RBL2: variants seen among roughly 807,000 people sequenced by gnomAD.
The protein encoded by RBL2 is retinoblastoma-like protein 2.
A neutral mutation model predicts 126.0 loss-of-function variants in RBL2; 56 were observed. That is an observed-to-expected ratio of 0.44 (90% CI 0.36 to 0.56). The LOEUF (loss-of-function observed/expected upper bound fraction) is 0.56. Ranked by LOEUF, RBL2 falls within the 20% of genes least tolerant of loss-of-function variation. RBL2 has a pLI of 0.00. For missense variants in RBL2, 1,229 were observed against 1,398.2 expected (o/e 0.88, Z 1.93); for synonymous variants, 454 against 478.5 (o/e 0.95, Z 0.67).
rs2058279236 is a variant in RBL2 at position 53,467,061 on chromosome 16, A to T, written c.1867A>T (p.Met623Leu). 6.2e-7 allele frequency: 1 copy of T among 1,613,212 alleles called. No homozygotes were observed. Among genetic ancestry groups the T allele is most frequent in the African/African-American group, 1.3e-5 (1 of 74,998 alleles). Residue 623 changes from methionine (M) to leucine (L), a missense_variant, in exon 14 of 22, where the codon ATG (methionine) becomes TTG (leucine). Met to Leu is a conservative substitution (Grantham distance 15). This residue lies in a region of RBL2 where 1,070 missense variants were observed against 1,274.3 expected (regional missense o/e 0.84). Coordinates refer to ENST00000262133, the MANE Select transcript of RBL2 (RefSeq NM_005611.4). ...ENRVPTCEEVMPPQNLERADE... is the reference protein window; with the variant it reads ...ENRVPTCEEVLPPQNLERADE... ...CTGTGTAACCAATTCTTCATAGGTC[A>T]TGCCACCTCAGAACCTGGAAAGGGC...
chr16:53,462,764 A>G, intron 11 of RBL2, 109 bp downstream of exon 11: 4 of 662,370 alleles, frequency 6.0e-6, no homozygotes, highest in Non-Finnish European at 1.0e-5. Context: ...TTTCATACAC[A>G]AAAGTTTTTA....
At chr16:53,482,568 G>C (rs1022716550) in intron 21 of RBL2, among the ~76,000 whole-genome samples, 1 of 152,160 alleles carries the variant, frequency 6.6e-6, no homozygotes, top group African/African-American at 2.4e-5. Context: ...CCAACACTTT[G>C]GGAGGCCACA....
At chr16:53,467,002 T>C (rs1394409477) in intron 13 of RBL2, 56 bp from the exon 14 acceptor site, 2 of 1,237,996 alleles carry the variant, frequency 1.6e-6, no homozygotes, top group Non-Finnish European at 2.3e-6. Context: ...ACTATTGTAT[T>C]TGTAATTAAA....
chr16:53,437,901 C>T (rs1393785345), intron 1 of RBL2, among the ~76,000 whole-genome samples: 1 of 151,674 alleles, frequency 6.6e-6, no homozygotes, highest in Admixed American at 6.6e-5. Context: ...GTGGTGGGCA[C>T]CTGTAGTCCC....
intron 14 of RBL2, among the ~76,000 whole-genome samples, chr16:53,469,159 G>A (rs972042375): frequency 5.9e-5 from 9 of 152,152 alleles, no homozygotes; most frequent in African/African-American, 2.2e-4. Context: ...AAACCCAGGA[G>A]GCAGAGGTTG....
At chr16:53,451,881 G>A (rs1567730838) in intron 5 of RBL2, 50 bp downstream of exon 5, 1 of 1,595,320 alleles carries the variant, frequency 6.3e-7, no homozygotes, top group South Asian at 1.1e-5. Context: ...TCTGTGTTAT[G>A]TTTACCCTTG....
At chr16:53,436,530 G>A (rs1471812933) in intron 1 of RBL2, among the ~76,000 whole-genome samples, 1 of 152,204 alleles carries the variant, frequency 6.6e-6, no homozygotes, top group Admixed American at 6.5e-5. Flanking sequence ...GCTGGATATA[G>A]AGCAGCAAAC....
intron 21 of RBL2, among the ~76,000 whole-genome samples, chr16:53,484,033 A>C (rs1296589973): frequency 2.6e-5 from 4 of 152,194 alleles, no homozygotes; most frequent in South Asian, 2.1e-4. Flanking sequence ...CTGAATAAGA[A>C]GACCAAATAT....
At chr16:53,479,711 C>T (rs746117794) in intron 18 of RBL2, 175 bp from the exon 19 acceptor site, 1 of 550,606 alleles carries the variant, frequency 1.8e-6, no homozygotes, top group Non-Finnish European at 3.2e-6. Context: ...GCTAGATGGG[C>T]TCTGATTGAA....
intron 8 of RBL2, among the ~76,000 whole-genome samples, chr16:53,458,524 C>G (rs573171994): frequency 2.6e-5 from 4 of 152,186 alleles, no homozygotes; most frequent in Non-Finnish European, 5.9e-5. Context: ...GAAGGCTGTT[C>G]TGCATCAAGT....
intron 21 of RBL2, chr16:53,488,001 A>T (rs752358019): frequency 6.6e-6 from 1 of 152,244 alleles, no homozygotes; most frequent in Non-Finnish European, 1.5e-5. Flanking sequence ...GCCACTGTGG[A>T]AAGTTGTTTC....
rs1960907737 is a variant in RBL2 at position 53,480,672 on chromosome 16, A to G, written c.2987A>G (p.Asp996Gly). Residue 996 changes from aspartate to glycine, a missense_variant, in exon 20 of 22, where the codon GAC becomes GGC. Asp to Gly is a moderately conservative substitution (Grantham distance 94, BLOSUM62 -1). Around this residue, in one of 2 missense-constraint regions of RBL2, gnomAD observed 1,070 missense variants for 1,274.3 expected, o/e 0.84. Coordinates refer to ENST00000262133, the MANE Select transcript of RBL2 (RefSeq NM_005611.4). ...TPTRLTGANS[D>G]MEEEERGDLI... ...ACTCGCCTCACAGGTGCCAACAGTG[A>G]CATGGAAGAAGAGGAGAGGGGAGAC... 6.2e-7 allele frequency: 1 copy of G among 1,613,984 alleles called. No homozygotes were observed. The highest frequency in any genetic ancestry group is 8.5e-7 in the Non-Finnish European group (1 of 1,180,010).
At chr16:53,459,053 A>C (rs531574146) in intron 8 of RBL2, among the ~76,000 whole-genome samples, 1 of 152,316 alleles carries the variant, frequency 6.6e-6, no homozygotes, top group South Asian at 2.1e-4. Flanking sequence ...GTAGATGGGA[A>C]TTGTGAAATT....
At chr16:53,439,902 TGATGGAGCAGCACTGCACTCCAGC>T (rs371280757) in intron 2 of RBL2, among the ~76,000 whole-genome samples, 21 of 139,046 alleles carry the variant, frequency 1.5e-4, no homozygotes, top group African/African-American at 5.5e-4. Context: ...GAGCCCTGAA[TGATGGAGCAGCACTGCACTCCAGC>T]CTGGGCCACA....
chr16:53,452,273 C>T (rs2058123317), intron 5 of RBL2, among the ~76,000 whole-genome samples: 1 of 151,934 alleles, frequency 6.6e-6, no homozygotes, highest in Non-Finnish European at 1.5e-5. Context: ...TTTAAACTAA[C>T]AGATATATGG....
chr16:53,459,497 TTAA>T lies in RBL2; in HGVS notation c.1227_1229del (p.Ile409_Lys410delinsMet), dbSNP rs2058199212. The T allele has an allele frequency of 6.2e-7, 1 of 1,613,434 alleles. No homozygotes were observed. The highest frequency in any genetic ancestry group is 8.5e-7 in the Non-Finnish European group (1 of 1,179,810). On this transcript the variant is annotated inframe_deletion, in exon 9 of 22. Transcript: ENST00000262133. ...ACACCACTAACTGGTGTTAGGTACA[TTAA>T]GGAGAATAGCCCTTGTGTGACTCCA...
chr16:53,479,217 C>T lies in RBL2; in HGVS notation c.2767C>T (p.Arg923Trp), dbSNP rs373573938. 57 of 1,612,924 alleles carry T rather than the reference C, an allele frequency of 3.5e-5. No individual in the cohort carries two copies. Among genetic ancestry groups the T allele is most frequent in the Admixed American group, 5.0e-5 (3 of 59,998 alleles). Reference sequence around the variant, plus strand: ...TTGTTATAGGACTCAGCCGCAGGCCCGGAGCCAGGTAACTACATTTTCTCT... The same window carrying T: ...TTGTTATAGGACTCAGCCGCAGGCCTGGAGCCAGGTAACTACATTTTCTCT... ...MRCYRTQPQA[R>W]SQVYRSVLIK... Residue 923 changes from arginine to tryptophan, a missense_variant, in exon 18 of 22, where the codon CGG becomes TGG. By Grantham distance (101) the Arg-to-Trp change is moderately radical. Transcript: ENST00000262133.
At chr16:53,436,105 T>C (rs771226636) in intron 1 of RBL2, among the ~76,000 whole-genome samples, 1 of 152,244 alleles carries the variant, frequency 6.6e-6, no homozygotes, top group African/African-American at 2.4e-5. Context: ...TTCCTATTCA[T>C]CTCTCAGTGC....
At chr16:53,480,125 C>T (rs1960886534) in intron 19 of RBL2, 134 bp downstream of exon 19, 1 of 639,110 alleles carries the variant, frequency 1.6e-6, no homozygotes, top group Non-Finnish European at 2.7e-6. Context: ...ATCAGTAAAC[C>T]ATATTCTAGC....
Sources: gnomAD v4.1 joint callset for allele counts (sites outside exome capture counted in the v4.1 genomes callset) on GRCh38, gnomAD v4.1.1 for gene constraint, gnomAD v4.1.1 regional missense constraint, MANE v1.5 for transcripts, NCBI Gene and HGNC (gene_info 2026-07-23, HGNC 2026-07-21) for gene names.